The following RASAL2 variants were observed in gnomAD, a reference collection of about 807,000 sequenced individuals.
RASAL2 encodes the protein RAS protein activator like 2, also known as ras GTPase-activating protein nGAP.
In RASAL2, 58 loss-of-function variants were observed where a neutral mutation model predicts 128.9. The ratio of observed to expected loss-of-function variants is 0.45; its 90% CI spans 0.36 to 0.56. The LOEUF (loss-of-function observed/expected upper bound fraction) is 0.56. Ranked by LOEUF, RASAL2 falls within the 20% of genes least tolerant of loss-of-function variation. The pLI, the probability that RASAL2 is intolerant of heterozygous loss-of-function variation, is 0.00. For missense variants in RASAL2, 1,360 were observed against 1,601.6 expected (o/e 0.85, Z 2.57); for synonymous variants, 561 against 580.8 (o/e 0.97, Z 0.49).
intron 2 of RASAL2, among the ~76,000 whole-genome samples, chr1:178,293,920 A>T (rs1667385206): frequency 6.6e-6 from 1 of 152,244 alleles, no homozygotes; most frequent in Non-Finnish European, 1.5e-5. Context: ...AGCCTGTCCT[A>T]AGCCTCAGGA....
chr1:178,105,747 A>G (rs529419142), intron 1 of RASAL2, among the ~76,000 whole-genome samples: 30 of 147,208 alleles, frequency 2.0e-4, no homozygotes, highest in Non-Finnish European at 3.9e-4. Flanking sequence ...CTGTGGCTCT[A>G]TCTTGGCTCA....
In RASAL2 at chr1:178,229,851, C is replaced by T. The variant is rs1329866460; in HGVS notation, c.203-53713C>T. ...GATGAAATGGTAAACCTTAAGGGAA[C>T]ATTTGGATGAGTTTTGAAAATACTT... is the stretch of plus-strand genomic sequence containing the variant. On this transcript the variant is annotated intron_variant, in intron 1 of 17. Transcript: ENST00000367649. Among the ~76,000 whole-genome samples the T allele has an allele frequency of 2.6e-5, 4 of 152,254 alleles. No individual in the cohort carries two copies. The South Asian group carries it at 8.3e-4, about 32-fold the overall frequency.
chr1:178,135,494 C>CACAAAA (rs1188734187), intron 1 of RASAL2, among the ~76,000 whole-genome samples: 1 of 21,204 alleles, frequency 4.7e-5, no homozygotes, highest in Non-Finnish European at 1.0e-4. Flanking sequence ...CTTGTCTCTT[C>CACAAAA]ATAAAAAAAA....
chr1:178,274,612 G>T (rs1287054088), intron 1 of RASAL2, among the ~76,000 whole-genome samples: 3 of 151,882 alleles, frequency 2.0e-5, no homozygotes, highest in Non-Finnish European at 4.4e-5. Context: ...TTTGAGACAG[G>T]GTCTTGCTCT....
At chr1:178,374,846 C>A (rs1337245580) in intron 3 of RASAL2, among the ~76,000 whole-genome samples, 1 of 152,062 alleles carries the variant, frequency 6.6e-6, no homozygotes, top group African/African-American at 2.4e-5. Context: ...TAAAACTCTG[C>A]CCTTGTTTCA....
intron 1 of RASAL2, among the ~76,000 whole-genome samples, chr1:178,272,964 C>T (rs1666328060): frequency 6.6e-6 from 1 of 151,632 alleles, no homozygotes; most frequent in African/African-American, 2.4e-5. Context: ...TTTGCTGTAA[C>T]GACTTGGAAT....
chr1:178,299,607 C>T (rs1467220971), intron 2 of RASAL2, among the ~76,000 whole-genome samples: 1 of 152,166 alleles, frequency 6.6e-6, no homozygotes, highest in Non-Finnish European at 1.5e-5. Context: ...AAGCGATTCT[C>T]CTGTCTCAGT....
At chr1:178,288,710 GTGCAATCTCAGCTCAC>G (rs750847527) in intron 2 of RASAL2, among the ~76,000 whole-genome samples, 1 of 135,016 alleles carries the variant, frequency 7.4e-6, no homozygotes, top group Non-Finnish European at 1.5e-5. Flanking sequence ...GAGTGCAATG[GTGCAATCTCAGCTCAC>G]TGCAATCTCC....
chr1:178,334,885 G>C (rs879293314), intron 3 of RASAL2, among the ~76,000 whole-genome samples: 3 of 152,034 alleles, frequency 2.0e-5, no homozygotes, highest in Admixed American at 1.3e-4. Context: ...TTGAACCCGG[G>C]AGGGAGAGTT....
intron 1 of RASAL2, among the ~76,000 whole-genome samples, chr1:178,096,716 A>G (rs1247239425): frequency 6.6e-6 from 1 of 152,052 alleles, no homozygotes; most frequent in Non-Finnish European, 1.5e-5. Context: ...GACCAATTGC[A>G]GACTTACCAC....
intron 3 of RASAL2, among the ~76,000 whole-genome samples, chr1:178,339,457 A>G (rs891744864): frequency 2.6e-5 from 4 of 152,194 alleles, no homozygotes; most frequent in Non-Finnish European, 5.9e-5. Context: ...CTGGAGAAGC[A>G]CGAGTAAATG....
chr1:178,348,318 TTCTC>T (rs1245717526), intron 3 of RASAL2, among the ~76,000 whole-genome samples: 1 of 152,182 alleles, frequency 6.6e-6, no homozygotes, highest in Non-Finnish European at 1.5e-5. Flanking sequence ...GACAAGGTCT[TTCTC>T]TGTCAACCAG....
intron 3 of RASAL2, among the ~76,000 whole-genome samples, chr1:178,364,373 G>A (rs557941370): frequency 2.6e-5 from 4 of 152,142 alleles, no homozygotes; most frequent in African/African-American, 9.6e-5. Context: ...CTCCAATACT[G>A]GCTATATGAC....
chr1:178,160,952 T>C (rs1382280454), intron 1 of RASAL2, among the ~76,000 whole-genome samples: 3 of 152,220 alleles, frequency 2.0e-5, no homozygotes, highest in Non-Finnish European at 4.4e-5. Context: ...TTCCATTTGA[T>C]TTTACAAACT....
chr1:178,156,012 T>C (rs575659531), intron 1 of RASAL2, among the ~76,000 whole-genome samples: 1 of 152,324 alleles, frequency 6.6e-6, no homozygotes, highest in Admixed American at 6.5e-5. Context: ...TAATGATTAC[T>C]AGGTATTTAG....
intron 1 of RASAL2, among the ~76,000 whole-genome samples, chr1:178,201,006 T>A (rs1392803351): frequency 6.6e-6 from 1 of 152,168 alleles, no homozygotes. Flanking sequence ...AGACCTATAA[T>A]TAGACTAAAG....
intron 1 of RASAL2, among the ~76,000 whole-genome samples, chr1:178,096,464 T>TTG (rs57531713): frequency 0.65 from 95,805 of 148,302 alleles, 32,665 homozygotes; most frequent in East Asian, 0.86. Flanking sequence ...ATTGTATATT[T>TTG]TGTGTGTGTG....
At chr1:178,407,440 T>C (rs980282378) in intron 4 of RASAL2, among the ~76,000 whole-genome samples, 23 of 152,214 alleles carry the variant, frequency 1.5e-4, no homozygotes, top group Non-Finnish European at 1.5e-5. Context: ...CAGCTTTTTT[T>C]CTCAGGTATT....
chr1:178,153,522 T>C (rs1449763718), intron 1 of RASAL2, among the ~76,000 whole-genome samples: 2 of 152,226 alleles, frequency 1.3e-5, no homozygotes, highest in Admixed American at 6.5e-5. Flanking sequence ...TCTTTATAAA[T>C]TGGCTTTTTG....
Sources: gnomAD v4.1 joint callset for allele counts (sites outside exome capture counted in the v4.1 genomes callset) on GRCh38, gnomAD v4.1.1 for gene constraint, MANE v1.5 for transcripts, NCBI Gene and HGNC (gene_info 2026-07-23, HGNC 2026-07-21) for gene names.